The following S100Z variants were observed in gnomAD, a reference collection of about 807,000 sequenced individuals.
S100Z encodes protein S100-Z.
A neutral mutation model predicts 8.5 loss-of-function variants in S100Z; 11 were observed. That is an observed-to-expected ratio of 1.30 (90% CI 0.82 to 2.15). S100Z has a LOEUF of 2.15. Ranked by LOEUF, S100Z falls within the 30% of genes most tolerant of loss-of-function variation. The probability of loss-of-function intolerance (pLI) is 0.00; values close to 1 mark genes in which losing one functional copy is unlikely to be tolerated. For missense variants in S100Z, 126 were observed against 117.9 expected, an observed-to-expected ratio of 1.07 and a Z score of -0.32; for synonymous variants, 34 against 43.8, an observed-to-expected ratio of 0.78 and a Z score of 0.89.
chr5:76,905,910 C>T (rs1203740917), intron 4 of S100Z, among the ~76,000 whole-genome samples: 2 of 151,944 alleles, frequency 1.3e-5, no homozygotes, highest in Non-Finnish European at 2.9e-5. Context: ...GTCACTGCAG[C>T]TGCGACTTTC....
chr5:76,859,394 G>A (rs138123921), intron 1 of S100Z, among the ~76,000 whole-genome samples: 72 of 152,226 alleles, frequency 4.7e-4, no homozygotes, highest in African/African-American at 1.7e-3. Flanking sequence ...TTCTAGAATC[G>A]AGGTCTTTTG....
chr5:76,866,915 T>C (rs1225055182), intron 1 of S100Z, among the ~76,000 whole-genome samples: 1 of 152,254 alleles, frequency 6.6e-6, no homozygotes, highest in African/African-American at 2.4e-5. Context: ...TCTACTTTGT[T>C]AGTTTCACTT....
intron 4 of S100Z, among the ~76,000 whole-genome samples, chr5:76,915,155 C>A (rs1441857564): frequency 2.0e-5 from 3 of 150,586 alleles, no homozygotes; most frequent in East Asian, 1.9e-4. Context: ...AATACAAAAA[C>A]ATTAGCCGAG....
intron 4 of S100Z, among the ~76,000 whole-genome samples, chr5:76,879,347 G>C (rs547205724): frequency 6.6e-6 from 1 of 152,134 alleles, no homozygotes; most frequent in Non-Finnish European, 1.5e-5. Flanking sequence ...CTCATTATGT[G>C]GGGGGAAAAA....
chr5:76,931,639 G>A, the S100Z span, among the ~76,000 whole-genome samples: 1 of 152,176 alleles, frequency 6.6e-6, no homozygotes, highest in Non-Finnish European at 1.5e-5. Flanking sequence ...GGTGGGGATG[G>A]AGAAGTGCTA....
chr5:76,877,719 G>T lies in S100Z; in HGVS notation c.187G>T (p.Asp63Tyr), dbSNP rs373309306. The stretch of plus-strand genomic sequence containing the variant: ...GGTTGATAAGATAGTGCAGGACCTG[G>T]ATGCCAATAAGGACAACGAAGTGGA... ...QLVDKIVQDLDANKDNEVDFN... is the reference protein window; with the variant it reads ...QLVDKIVQDLYANKDNEVDFN... The change falls in exon 4 of 5, where the codon GAT becomes TAT. Residue 63 changes from aspartate (D) to tyrosine (Y), a missense_variant. Transcript: ENST00000317593. 1.2e-6 allele frequency: 2 copies of T among 1,612,442 alleles called. No homozygotes were observed. Among genetic ancestry groups the T allele is most frequent in the East Asian group, 4.5e-5 (2 of 44,860 alleles).
chr5:76,860,443 T>C (rs958949625), intron 1 of S100Z, among the ~76,000 whole-genome samples: 1 of 152,116 alleles, frequency 6.6e-6, no homozygotes, highest in African/African-American at 2.4e-5. Context: ...TCCTGGAGAC[T>C]CTGAGATGGC....
intron 1 of S100Z, among the ~76,000 whole-genome samples, chr5:76,854,530 CA>C (rs906990980): frequency 5.3e-4 from 81 of 152,240 alleles, no homozygotes; most frequent in African/African-American, 1.8e-3. Flanking sequence ...GGGTATCTGA[CA>C]GAAGAAATTT....
chr5:76,863,403 T>A (rs1751122740), intron 1 of S100Z, among the ~76,000 whole-genome samples: 1 of 152,276 alleles, frequency 6.6e-6, no homozygotes, highest in African/African-American at 2.4e-5. Context: ...GTTGTCATTT[T>A]ACGCTTGTGA....
chr5:76,915,831 C>CA (rs1163012114), intron 4 of S100Z, among the ~76,000 whole-genome samples: 1 of 151,900 alleles, frequency 6.6e-6, no homozygotes, highest in African/African-American at 2.4e-5. Flanking sequence ...AGTAAAAGGA[C>CA]AAAAAATTAC....
chr5:76,916,193 T>G (rs1580067774), intron 4 of S100Z, among the ~76,000 whole-genome samples: 1 of 149,524 alleles, frequency 6.7e-6, no homozygotes, highest in Non-Finnish European at 1.5e-5. Flanking sequence ...CCAGAGATGG[T>G]GAAGTACATT....
intron 4 of S100Z, among the ~76,000 whole-genome samples, chr5:76,884,124 A>G (rs563281964): frequency 8.5e-5 from 13 of 152,316 alleles, no homozygotes; most frequent in Admixed American, 2.6e-4. Context: ...TAAAATGCAT[A>G]TTGAGATTAA....
At chr5:76,919,719 A>C (rs1426532201) in intron 4 of S100Z, among the ~76,000 whole-genome samples, 6 of 147,666 alleles carry the variant, frequency 4.1e-5, no homozygotes, top group African/African-American at 1.5e-4. Flanking sequence ...CAATCCTCCC[A>C]CCTCAGCCTC....
Position 76,896,198 on chromosome 5 carries a change from C to T in S100Z, c.*2+18364C>T, listed in dbSNP as rs1561242043. ...CTCCCCAACCCCCTGCTACCCTTCCCAGTCTCTAGTAACCATCATTCTACT... is the reference window on the plus strand; with the variant it reads ...CTCCCCAACCCCCTGCTACCCTTCCTAGTCTCTAGTAACCATCATTCTACT... On this transcript the variant is annotated intron_variant, in intron 4 of 4. Transcript: ENST00000317593. 3.3e-5 allele frequency among the ~76,000 whole-genome samples: 5 copies of T among 152,254 alleles called. No homozygotes were observed. In the South Asian group the frequency reaches 1.0e-3, roughly 32 times the overall value.
chr5:76,869,270 G>A (rs1742909571), intron 1 of S100Z, among the ~76,000 whole-genome samples: 1 of 152,158 alleles, frequency 6.6e-6, no homozygotes, highest in Non-Finnish European at 1.5e-5. Flanking sequence ...TGTTGGGAAT[G>A]TATGGTAAGT....
chr5:76,898,933 C>CT (rs56287065), intron 4 of S100Z, among the ~76,000 whole-genome samples: 11,794 of 109,962 alleles, frequency 0.11, 2,240 homozygotes, highest in African/African-American at 0.39. Context: ...CTTTTCTTTT[C>CT]TTTTTTTTTT....
intron 4 of S100Z, among the ~76,000 whole-genome samples, chr5:76,906,976 G>GTGTATATATATATATA: frequency 4.6e-5 from 1 of 21,788 alleles, no homozygotes; most frequent in South Asian, 8.8e-4. Context: ...TTGTGTGTGT[G>GTGTATATATATATATA]TATATATATA....
chr5:76,853,865 T>C (rs1750801409), intron 1 of S100Z, among the ~76,000 whole-genome samples: 1 of 151,892 alleles, frequency 6.6e-6, no homozygotes, highest in Non-Finnish European at 1.5e-5. Context: ...GACTGGATTA[T>C]GGAGGTGTAG....
intron 4 of S100Z, among the ~76,000 whole-genome samples, chr5:76,909,539 A>ATT (rs1744576047): frequency 6.6e-6 from 1 of 152,084 alleles, no homozygotes; most frequent in African/African-American, 2.4e-5. Context: ...CTACAGGAGG[A>ATT]CCTCTCAGCT....
Sources: allele counts gnomAD v4.1 joint callset (sites outside exome capture counted in the v4.1 genomes callset), GRCh38; gene constraint gnomAD v4.1.1; transcripts MANE v1.5; gene names NCBI Gene and HGNC (gene_info 2026-07-23, HGNC 2026-07-21).